The following RTN1 variants were observed in gnomAD, a reference collection of about 807,000 sequenced individuals.
The protein encoded by RTN1 is reticulon-1.
RTN1 carries 25 observed loss-of-function variants against 65.5 expected under a neutral mutation model. That is an observed-to-expected ratio of 0.38 (90% CI 0.28 to 0.53). The LOEUF (loss-of-function observed/expected upper bound fraction) is 0.53. Ranked by LOEUF, RTN1 falls within the 20% of genes least tolerant of loss-of-function variation. The pLI, the probability that RTN1 is intolerant of heterozygous loss-of-function variation, is 0.79. For missense variants in RTN1, 983 were observed against 1,025.4 expected, an observed-to-expected ratio of 0.96 and a Z score of 0.57; for synonymous variants, 471 against 447.6, an observed-to-expected ratio of 1.05 and a Z score of -0.66.
Position 59,727,460 on chromosome 14 carries a change from C to A in RTN1, c.1224G>T (p.Ser408=), listed in dbSNP as rs757743369. 9 of 1,562,624 alleles carry A rather than the reference C, an allele frequency of 5.8e-6. No homozygotes were observed. Among genetic ancestry groups the A allele is most frequent in the Non-Finnish European group, 6.9e-6 (8 of 1,154,174 alleles). ...PLDHEASSAE[S]GDSEIELVSE... Reference sequence around the variant, plus strand: ...ACACCAGCTCGATCTCTGAGTCCCCCGACTCCGCGCTGCTGGCCTCGTGGT... The same window carrying A: ...ACACCAGCTCGATCTCTGAGTCCCCAGACTCCGCGCTGCTGGCCTCGTGGT... The change falls in exon 3 of 9, where the codon TCG becomes TCT. Residue 408 remains serine (S), a synonymous_variant. Transcript: ENST00000267484. This position sits in a 1 kb window ranked among gnomAD's most constrained non-coding sequence, Gnocchi z 4.2.
chr14:59,870,735 G>C lies in RTN1; in HGVS notation c.-105C>G, dbSNP rs1566754754. The C allele has an allele frequency of 8.2e-7, 1 of 1,215,450 alleles. No homozygotes were observed. Among genetic ancestry groups the C allele is most frequent in the South Asian group, 3.0e-5 (1 of 33,068 alleles). 75.3% of individuals were successfully genotyped at this position (1,215,450 alleles called of 1,614,324 possible). Reference sequence around the variant, plus strand: ...TCCCCGGAGGGACTCGGCGCTCAGGGAAGCTGCGGTGTCTCAGCGTCGCCG... The same window carrying C: ...TCCCCGGAGGGACTCGGCGCTCAGGCAAGCTGCGGTGTCTCAGCGTCGCCG... On this transcript the variant is annotated 5_prime_UTR_variant, in exon 1 of 9. Coordinates refer to ENST00000267484, the MANE Select transcript of RTN1 (RefSeq NM_021136.3). This position sits in a 1 kb window ranked among gnomAD's most constrained non-coding sequence, Gnocchi z 5.1.
At chr14:59,711,572 G>A (rs1371793835) in intron 3 of RTN1, among the ~76,000 whole-genome samples, 3 of 152,140 alleles carry the variant, frequency 2.0e-5, no homozygotes, top group Non-Finnish European at 2.9e-5. Context: ...AGATTTCAGT[G>A]GCTTCACCTT....
intron 3 of RTN1, among the ~76,000 whole-genome samples, chr14:59,635,053 G>A (rs547279743): frequency 1.3e-5 from 2 of 152,188 alleles, no homozygotes; most frequent in South Asian, 4.2e-4. Flanking sequence ...AAATTCTAGG[G>A]TTATGACAGT....
intron 3 of RTN1, among the ~76,000 whole-genome samples, chr14:59,643,847 A>C (rs977526435): frequency 6.6e-6 from 1 of 152,198 alleles, no homozygotes; most frequent in African/African-American, 2.4e-5. Context: ...ATTTTCAACA[A>C]AAAATTACTA....
At chr14:59,797,934 A>C (rs1886469345) in intron 1 of RTN1, among the ~76,000 whole-genome samples, 1 of 152,214 alleles carries the variant, frequency 6.6e-6, no homozygotes, top group African/African-American at 2.4e-5. Context: ...AGTTAGTAAC[A>C]CTGCCATTGG....
chr14:59,610,057 C>G, intron 3 of RTN1: 1 of 751,628 alleles, frequency 1.3e-6, no homozygotes. Context: ...AAGGAGTTTT[C>G]AGACAAAGAG....
chr14:59,706,789 A>G (rs992502611), intron 3 of RTN1, among the ~76,000 whole-genome samples: 2 of 152,244 alleles, frequency 1.3e-5, no homozygotes, highest in Admixed American at 6.5e-5. Context: ...TTAGGTAAAG[A>G]GAAGGGCGCT....
intron 3 of RTN1, among the ~76,000 whole-genome samples, chr14:59,641,989 T>C (rs2140192388): frequency 6.6e-6 from 1 of 152,344 alleles, no homozygotes; most frequent in African/African-American, 2.4e-5. Flanking sequence ...GAGATCCTTT[T>C]GTTTCAGTCC....
chr14:59,769,252 C>T (rs559048526), intron 1 of RTN1, among the ~76,000 whole-genome samples: 19 of 152,204 alleles, frequency 1.2e-4, no homozygotes, highest in African/African-American at 3.6e-4. Flanking sequence ...TTCTGCATTG[C>T]AATTTCTGTT....
At chr14:59,613,762 G>C (rs545161604) in intron 3 of RTN1, among the ~76,000 whole-genome samples, 79 of 151,482 alleles carry the variant, frequency 5.2e-4, no homozygotes, top group African/African-American at 1.9e-3. Flanking sequence ...GGTAGCCTGA[G>C]ATTCATTGGG....
intron 1 of RTN1, among the ~76,000 whole-genome samples, chr14:59,843,624 TA>T (rs1887354136): frequency 1.3e-5 from 2 of 152,212 alleles, no homozygotes; most frequent in South Asian, 2.1e-4. Flanking sequence ...AAAAATAAGC[TA>T]AAAAAAGTTT....
chr14:59,718,606 AT>A (rs1353346141), intron 3 of RTN1, among the ~76,000 whole-genome samples: 1 of 152,180 alleles, frequency 6.6e-6, no homozygotes, highest in Admixed American at 6.5e-5. Context: ...AAACATCACC[AT>A]CACCTAAATA....
intron 1 of RTN1, among the ~76,000 whole-genome samples, chr14:59,815,988 G>A (rs1217607100): frequency 6.6e-6 from 1 of 152,116 alleles, no homozygotes; most frequent in Non-Finnish European, 1.5e-5. Flanking sequence ...CCAATCACTT[G>A]TACCACCTGC....
chr14:59,792,066 T>C (rs1188333433), intron 1 of RTN1, among the ~76,000 whole-genome samples: 1 of 152,156 alleles, frequency 6.6e-6, no homozygotes, highest in Non-Finnish European at 1.5e-5. Flanking sequence ...TGGAGGTTCC[T>C]GGAGTCTTAC....
intron 3 of RTN1, among the ~76,000 whole-genome samples, chr14:59,690,738 C>T (rs936956938): frequency 1.3e-5 from 2 of 152,068 alleles, no homozygotes; most frequent in African/African-American, 4.8e-5. Context: ...TCATACCACC[C>T]ATACTCTGGA....
rs186229934 is a variant in RTN1, at chr14:59,781,754, T to C, written c.242-35273A>G. On this transcript the variant is annotated intron_variant, in intron 1 of 8. Coordinates refer to ENST00000267484, the MANE Select transcript of RTN1 (RefSeq NM_021136.3). The stretch of plus-strand genomic sequence containing the variant: ...ACTTAAAATTTACTTTTCTTGTATA[T>C]TGAATTCCCTGGGTATTTGATTTGA... Among the ~76,000 whole-genome samples, 4 of 152,340 alleles carry C rather than the reference T, an allele frequency of 2.6e-5. No homozygotes were observed. In the East Asian group the frequency reaches 5.8e-4, roughly 22 times the overall value.
At chr14:59,735,776 C>A (rs1013530837) in intron 2 of RTN1, among the ~76,000 whole-genome samples, 1 of 152,150 alleles carries the variant, frequency 6.6e-6, no homozygotes, top group African/African-American at 2.4e-5. Context: ...TAGACTCCCA[C>A]ACAATAACAG....
intron 3 of RTN1, among the ~76,000 whole-genome samples, chr14:59,664,035 C>G (rs555219432): frequency 1.3e-5 from 2 of 152,126 alleles, no homozygotes; most frequent in South Asian, 4.1e-4. Context: ...TATTGCAGCA[C>G]TATTCACAAT....
rs138909830 is a variant in RTN1 at position 59,753,441 on chromosome 14, T to C, written c.242-6960A>G. Among the ~76,000 whole-genome samples the C allele has an allele frequency of 1.0e-3, 152 of 152,316 alleles. 1 individual carries two copies. The highest frequency in any genetic ancestry group is 3.5e-3 in the African/African-American group (147 of 41,582). On this transcript the variant is annotated intron_variant, in intron 1 of 8. Transcript: ENST00000267484. ...TTCACACATTTTAGATGGGATCGTATTAGAATCATCATAAAAACAAAGAAT... is the reference window on the plus strand; with the variant it reads ...TTCACACATTTTAGATGGGATCGTACTAGAATCATCATAAAAACAAAGAAT...
Sources: gnomAD v4.1 joint callset for allele counts (sites outside exome capture counted in the v4.1 genomes callset) on GRCh38, gnomAD v4.1.1 for gene constraint, Gnocchi (gnomAD v3.1) non-coding constraint, MANE v1.5 for transcripts, NCBI Gene and HGNC (gene_info 2026-07-23, HGNC 2026-07-21) for gene names.